The following CCSER1 variants were observed in gnomAD, a reference collection of about 807,000 sequenced individuals.
CCSER1 encodes the protein coiled-coil serine rich protein 1, also known as serine-rich coiled-coil domain-containing protein 1.
In CCSER1, 41 loss-of-function variants were observed where a neutral mutation model predicts 82.0. The observed-to-expected ratio is 0.50, with a 90% CI of 0.39 to 0.65. CCSER1 has a LOEUF of 0.65. CCSER1 is among the 30% of genes least tolerant of loss of function. The pLI is 0.00. For synonymous variants in CCSER1, 414 were observed against 383.9 expected (o/e 1.08, Z -0.92); for missense variants, 1,119 against 1,064.2 (o/e 1.05, Z -0.72).
intron 10 of CCSER1, among the ~76,000 whole-genome samples, chr4:91,163,856 G>A (rs1314783420): frequency 6.6e-6 from 1 of 152,134 alleles, no homozygotes; most frequent in Non-Finnish European, 1.5e-5. Context: ...CCTGAATACA[G>A]CACACTGATG....
intron 9 of CCSER1, among the ~76,000 whole-genome samples, chr4:90,989,938 A>G (rs1736884406): frequency 6.6e-6 from 1 of 151,824 alleles, no homozygotes; most frequent in African/African-American, 2.4e-5. Context: ...ATATGGTTCT[A>G]GCACTTAGTT....
chr4:90,559,809 CAAAA>C (rs1236087772), intron 5 of CCSER1, among the ~76,000 whole-genome samples: 17 of 39,754 alleles, frequency 4.3e-4, no homozygotes, highest in Admixed American at 1.0e-3. Flanking sequence ...GACTCCGTCT[CAAAA>C]AAAAAAAAAA....
chr4:90,480,964 T>A (rs1765854188), intron 5 of CCSER1, among the ~76,000 whole-genome samples: 2 of 152,208 alleles, frequency 1.3e-5, no homozygotes, highest in Non-Finnish European at 2.9e-5. Context: ...TAAATTAGTT[T>A]GGGCAGTATG....
At chr4:91,278,553 G>T (rs182092420) in intron 10 of CCSER1, among the ~76,000 whole-genome samples, 5 of 152,146 alleles carry the variant, frequency 3.3e-5, no homozygotes, top group African/African-American at 1.2e-4. Context: ...CTGTCTGTAT[G>T]TGTCTTTGTA....
At chr4:91,229,292 A>C (rs1738438226) in intron 10 of CCSER1, among the ~76,000 whole-genome samples, 1 of 148,744 alleles carries the variant, frequency 6.7e-6, no homozygotes, top group Non-Finnish European at 1.5e-5. Context: ...AACCTGCAAA[A>C]AAAAAAAAAA....
chr4:90,755,491 TTA>T (rs1437692667), intron 7 of CCSER1, among the ~76,000 whole-genome samples: 2 of 152,238 alleles, frequency 1.3e-5, no homozygotes, highest in Non-Finnish European at 2.9e-5. Flanking sequence ...GCTTGTTTCA[TTA>T]GCACTTTATT....
chr4:90,864,276 G>C (rs1056411672), intron 8 of CCSER1, among the ~76,000 whole-genome samples: 4 of 151,926 alleles, frequency 2.6e-5, no homozygotes, highest in Non-Finnish European at 5.9e-5. Context: ...AGAAAAGAAA[G>C]AAGTTGGATT....
At chr4:91,290,521 G>A (rs950021266) in intron 10 of CCSER1, among the ~76,000 whole-genome samples, 1 of 151,876 alleles carries the variant, frequency 6.6e-6, no homozygotes. Flanking sequence ...AGTTAATGAT[G>A]AAACAGAAAA....
chr4:90,415,352 G>T (rs1225989352), intron 4 of CCSER1, among the ~76,000 whole-genome samples: 1 of 152,126 alleles, frequency 6.6e-6, no homozygotes, highest in Non-Finnish European at 1.5e-5. Context: ...TGTGGCAAAA[G>T]CTTGGAGCCT....
intron 10 of CCSER1, among the ~76,000 whole-genome samples, chr4:91,155,981 G>A (rs1730775908): frequency 1.3e-5 from 2 of 151,736 alleles, no homozygotes; most frequent in Admixed American, 6.6e-5. Flanking sequence ...TATTTTAACT[G>A]TGGCAAGAAA....
intron 5 of CCSER1, among the ~76,000 whole-genome samples, chr4:90,504,189 C>A (rs1770357719): frequency 6.6e-6 from 1 of 152,040 alleles, no homozygotes; most frequent in Non-Finnish European, 1.5e-5. Context: ...ATTTCATATA[C>A]AGAATTATAT....
At chr4:91,323,770 G>T (rs190016613) in intron 10 of CCSER1, among the ~76,000 whole-genome samples, 1 of 152,130 alleles carries the variant, frequency 6.6e-6, no homozygotes, top group Non-Finnish European at 1.5e-5. Flanking sequence ...CCTTGCTAGC[G>T]CAATGGCCTA....
chr4:90,644,205 G>A (rs13108344), intron 6 of CCSER1, among the ~76,000 whole-genome samples: 20,178 of 152,044 alleles, frequency 0.13, 1,745 homozygotes, highest in East Asian at 0.33. Context: ...GAATATTTGC[G>A]TATATGTAAT....
At chr4:91,065,259 AG>A (rs1396520829) in intron 9 of CCSER1, among the ~76,000 whole-genome samples, 1 of 152,146 alleles carries the variant, frequency 6.6e-6, no homozygotes, top group Non-Finnish European at 1.5e-5. Flanking sequence ...TCAATGACAA[AG>A]GTGGTACAGT....
rs183633964 is a variant in CCSER1, at chr4:90,848,930, T to C, written c.2094+33085T>C. Among the ~76,000 whole-genome samples, 488 of 152,362 alleles carry C rather than the reference T, an allele frequency of 3.2e-3. 3 individuals carry two copies. Among genetic ancestry groups the C allele is most frequent in the African/African-American group, 0.011 (464 of 41,586 alleles). The stretch of plus-strand genomic sequence containing the variant: ...TGCCACCCTGTGGAGAGGTGCCTTC[T>C]GCCATGTTTGTAAGTTTTCTGGGGC... On this transcript the variant is annotated intron_variant, in intron 8 of 10. Transcript: ENST00000509176.
chr4:91,358,205 A>G (rs537156923), intron 10 of CCSER1, among the ~76,000 whole-genome samples: 1 of 151,896 alleles, frequency 6.6e-6, no homozygotes, highest in African/African-American at 2.4e-5. Context: ...GTGGGGAGGA[A>G]AGGGGGTCTA....
At chr4:91,026,280 C>A (rs781089594) in intron 9 of CCSER1, among the ~76,000 whole-genome samples, 1 of 152,026 alleles carries the variant, frequency 6.6e-6, no homozygotes, top group Non-Finnish European at 1.5e-5. Flanking sequence ...CTGTAGTTGT[C>A]CTTTTTCTCC....
intron 9 of CCSER1, among the ~76,000 whole-genome samples, chr4:90,956,753 T>G (rs2150364577): frequency 6.7e-6 from 1 of 149,128 alleles, no homozygotes; most frequent in Non-Finnish European, 1.5e-5. Flanking sequence ...TATTCTTTTC[T>G]TTTCTTCCTC....
intron 10 of CCSER1, among the ~76,000 whole-genome samples, chr4:91,210,470 T>C (rs1736721635): frequency 6.6e-6 from 1 of 150,772 alleles, no homozygotes; most frequent in African/African-American, 2.4e-5. Context: ...GTTAATTAAA[T>C]GATCAAACTG....
Sources: allele counts gnomAD v4.1 joint callset (sites outside exome capture counted in the v4.1 genomes callset), GRCh38; gene constraint gnomAD v4.1.1; transcripts MANE v1.5; gene names NCBI Gene and HGNC (gene_info 2026-07-23, HGNC 2026-07-21).